Variants in EPS15L1 observed in about 807,000 individuals in gnomAD.
The protein encoded by EPS15L1 is epidermal growth factor receptor pathway substrate 15 like 1, also known as epidermal growth factor receptor substrate 15-like 1.
Under a neutral mutation model 117.1 loss-of-function variants are expected in EPS15L1, and 43 were observed. That is an observed-to-expected ratio of 0.37 (90% CI 0.29 to 0.47). The LOEUF is 0.47. EPS15L1 is among the 20% of genes least tolerant of loss of function. EPS15L1 has a pLI of 0.99. For synonymous variants in EPS15L1, 459 were observed against 470.5 expected (o/e 0.98, Z 0.32); for missense variants, 981 against 1,164.0 (o/e 0.84, Z 2.29).
chr19:16,400,336 C>CAAAAAAAAAAAAAAAAAAAAA lies in EPS15L1; in HGVS notation c.1791+1984_1791+1985insTTTTTTTTTTTTTTTTTTTTT, dbSNP rs1162302779. Reference sequence around the variant, plus strand: ...TGGGAGACAGAGCGAGACTCCGTCTCAAAAAAAAAAAAACAAAAACAAAAA... The same window carrying CAAAAAAAAAAAAAAAAAAAAA: ...TGGGAGACAGAGCGAGACTCCGTCTCAAAAAAAAAAAAAAAAAAAAAAAAAAAAAAAAAACAAAAACAAAAA... On this transcript the variant is annotated intron_variant, in intron 16 of 23. Coordinates refer to ENST00000455140, the MANE Select transcript of EPS15L1 (RefSeq NM_001258374.3). 4.9e-5 allele frequency among the ~76,000 whole-genome samples: 3 copies of CAAAAAAAAAAAAAAAAAAAAA among 60,708 alleles called. No individual in the cohort carries two copies. The Admixed American group carries it at 5.6e-4, about 11-fold the overall frequency. 39.8% of individuals were successfully genotyped at this position (60,708 alleles called of 152,430 possible).
chr19:16,382,641 CAG>C (rs895747114), intron 21 of EPS15L1, among the ~76,000 whole-genome samples: 9 of 149,406 alleles, frequency 6.0e-5, no homozygotes, highest in Non-Finnish European at 1.3e-4. Flanking sequence ...TTTTTCAGGG[CAG>C]AAGAGGGTGA....
At chr19:16,451,232 T>A (rs1367419410) in intron 1 of EPS15L1, among the ~76,000 whole-genome samples, 2 of 152,288 alleles carry the variant, frequency 1.3e-5, no homozygotes, top group South Asian at 4.1e-4. Context: ...ATTACAGGCG[T>A]GAGCCACCGC....
intron 1 of EPS15L1, among the ~76,000 whole-genome samples, chr19:16,466,008 A>C (rs1310754532): frequency 8.7e-6 from 1 of 114,936 alleles, no homozygotes; most frequent in Non-Finnish European, 1.7e-5. Flanking sequence ...TTTTTTTTTG[A>C]GACAGAGTCT....
chr19:16,433,622 G>C (rs1272906024), intron 7 of EPS15L1, among the ~76,000 whole-genome samples: 1 of 151,892 alleles, frequency 6.6e-6, no homozygotes, highest in African/African-American at 2.4e-5. Flanking sequence ...CTGGCAGTTC[G>C]AGACCAGCCT....
intron 1 of EPS15L1, among the ~76,000 whole-genome samples, chr19:16,468,506 T>C (rs2093322523): frequency 6.7e-6 from 1 of 149,720 alleles, no homozygotes; most frequent in African/African-American, 2.5e-5. Flanking sequence ...CCACTATGCC[T>C]GGCTAACTTT....
rs113591080 is a variant in EPS15L1, at chr19:16,421,492, G to A, written c.793-16C>T. Reference sequence around the variant, plus strand: ...TCACTGTTGGCTGAAACAGTTTTTGGCAAAACAGTTAATCTGGAAGCTTTT... The same window carrying A: ...TCACTGTTGGCTGAAACAGTTTTTGACAAAACAGTTAATCTGGAAGCTTTT... On this transcript the variant is annotated splice_polypyrimidine_tract_variant and intron_variant, in intron 9 of 23. Coordinates refer to ENST00000455140, the MANE Select transcript of EPS15L1 (RefSeq NM_001258374.3). The A allele has an allele frequency of 1.4e-5, 22 of 1,600,138 alleles. No homozygotes were observed. The African/African-American group carries it at 1.6e-4, about 12-fold the overall frequency.
intron 1 of EPS15L1, among the ~76,000 whole-genome samples, chr19:16,462,851 G>A (rs1017638768): frequency 4.6e-5 from 7 of 152,172 alleles, no homozygotes; most frequent in African/African-American, 9.7e-5. Flanking sequence ...CTCCAGGCCT[G>A]TTGGAACAGA....
upstream of EPS15L1, chr19:16,471,994 G>A (rs1448292927): frequency 1.6e-6 from 2 of 1,241,254 alleles, no homozygotes; most frequent in Admixed American, 4.3e-5. This position sits in a 1 kb window ranked among gnomAD's most constrained non-coding sequence, Gnocchi z 4.8. Context: ...GGGCGGGGCT[G>A]CAGCCACGCG....
chr19:16,387,987 G>A (rs1420711551), intron 19 of EPS15L1, among the ~76,000 whole-genome samples: 1 of 152,192 alleles, frequency 6.6e-6, no homozygotes, highest in Admixed American at 6.5e-5. Flanking sequence ...AGAGAGGGGA[G>A]AGAAAATTGG....
At chr19:16,385,072 T>A in intron 21 of EPS15L1, 57 bp downstream of exon 21, 1 of 1,372,512 alleles carries the variant, frequency 7.3e-7, no homozygotes, top group South Asian at 1.2e-5. Flanking sequence ...GCCCACACCA[T>A]GACAAGAGGC....
In EPS15L1 at chr19:16,365,673, G is replaced by A. The variant is rs774724369; in HGVS notation, c.2381-3689C>T. ...GGACAGTGACCTCAGCCAGTCCCTC[G>A]AGCCCCTGCCTGCTTCTGCCCAGCT... On this transcript the variant is annotated intron_variant, in intron 22 of 23. Coordinates refer to ENST00000455140, the MANE Select transcript of EPS15L1 (RefSeq NM_001258374.3). This position sits in a 1 kb window ranked among gnomAD's most constrained non-coding sequence, Gnocchi z 4.9. 4.6e-5 allele frequency among the ~76,000 whole-genome samples: 7 copies of A among 152,282 alleles called. No homozygotes were observed. The highest frequency in any genetic ancestry group is 2.1e-4 in the South Asian group (1 of 4,832).
intron 11 of EPS15L1, 132 bp downstream of exon 11, chr19:16,417,816 G>A (rs936788768): frequency 5.9e-6 from 8 of 1,350,574 alleles, no homozygotes; most frequent in East Asian, 2.3e-5. Flanking sequence ...CCTCCCGGGG[G>A]CCCCTGTTGA....
intron 22 of EPS15L1, among the ~76,000 whole-genome samples, chr19:16,372,942 T>C (rs1244185317): frequency 1.3e-5 from 2 of 152,228 alleles, no homozygotes; most frequent in Non-Finnish European, 2.9e-5. Flanking sequence ...TCTCCTGTCC[T>C]GGCCTCACAC....
intron 1 of EPS15L1, among the ~76,000 whole-genome samples, chr19:16,466,366 C>T (rs908467998): frequency 6.6e-6 from 1 of 152,118 alleles, no homozygotes; most frequent in Admixed American, 6.5e-5. Flanking sequence ...GGTGGTGAGA[C>T]CTTTCCTGAC....
intron 22 of EPS15L1, among the ~76,000 whole-genome samples, chr19:16,369,101 C>T (rs991993056): frequency 2.6e-5 from 4 of 152,168 alleles, no homozygotes; most frequent in Non-Finnish European, 4.4e-5. Flanking sequence ...CACACGTCAA[C>T]GTCTTCCTCT....
At chr19:16,415,784 G>A (rs559384354) in intron 12 of EPS15L1, among the ~76,000 whole-genome samples, 1 of 152,284 alleles carries the variant, frequency 6.6e-6, no homozygotes, top group East Asian at 1.9e-4. Context: ...GGTGATTCAC[G>A]CCCCAGCGTC....
At chr19:16,427,548 T>C (rs1479095214) in intron 8 of EPS15L1, among the ~76,000 whole-genome samples, 6 of 152,192 alleles carry the variant, frequency 3.9e-5, no homozygotes, top group Non-Finnish European at 8.8e-5. Context: ...CAACCTATAC[T>C]GAAACTTTCC....
intron 18 of EPS15L1, 42 bp downstream of exon 18, chr19:16,393,909 G>A: frequency 1.2e-6 from 2 of 1,601,202 alleles, no homozygotes; most frequent in Non-Finnish European, 1.7e-6. Flanking sequence ...AGCCAGGACT[G>A]GACACAGTCT....
rs1339799332 is a variant in EPS15L1, at chr19:16,456,455, G to C, written c.34-14236C>G. Among the ~76,000 whole-genome samples, 4 of 151,758 alleles carry C rather than the reference G, an allele frequency of 2.6e-5. No individual in the cohort carries two copies. The East Asian group carries it at 7.8e-4, about 29-fold the overall frequency. The stretch of plus-strand genomic sequence containing the variant: ...GTGGATCACATGAGGTCAGGAGTTC[G>C]AGACCAGCCTGGCCAACATGGTGAA... On this transcript the variant is annotated intron_variant, in intron 1 of 23. Coordinates refer to ENST00000455140, the MANE Select transcript of EPS15L1 (RefSeq NM_001258374.3).
Sources: allele counts gnomAD v4.1 joint callset (sites outside exome capture counted in the v4.1 genomes callset), GRCh38; gene constraint gnomAD v4.1.1; non-coding constraint Gnocchi (gnomAD v3.1); transcripts MANE v1.5; gene names NCBI Gene and HGNC (gene_info 2026-07-23, HGNC 2026-07-21).